NT5C3A: variants seen among roughly 807,000 people sequenced by gnomAD.
NT5C3A encodes the protein 5'-nucleotidase, cytosolic IIIA, also known as cytosolic 5'-nucleotidase 3A.
Under a neutral mutation model 40.0 loss-of-function variants are expected in NT5C3A, and 23 were observed. The ratio of observed to expected loss-of-function variants is 0.58; its 90% confidence interval spans 0.41 to 0.81. The LOEUF is 0.81. Ranked by LOEUF, NT5C3A falls within the 40% of genes least tolerant of loss-of-function variation. The pLI, the probability that NT5C3A is intolerant of heterozygous loss-of-function variation, is 0.00. For synonymous variants in NT5C3A, 130 were observed against 141.4 expected (o/e 0.92, Z 0.57); for missense variants, 328 against 403.0 (o/e 0.81, Z 1.59).
chr7:33,021,926 C>T, intron 4 of NT5C3A, 127 bp downstream of exon 4: 2 of 689,772 alleles, frequency 2.9e-6, no homozygotes, highest in East Asian at 2.7e-5. Flanking sequence ...TGAGTGCTTA[C>T]TATGTGCCAG....
At chr7:33,042,135 G>A (rs375578944) in intron 1 of NT5C3A, among the ~76,000 whole-genome samples, 23 of 151,994 alleles carry the variant, frequency 1.5e-4, no homozygotes, top group African/African-American at 5.6e-4. Context: ...TCAGGAGTTC[G>A]AGACCAACCT....
intron 1 of NT5C3A, among the ~76,000 whole-genome samples, chr7:33,042,468 G>C (rs746178760): frequency 6.6e-5 from 10 of 152,102 alleles, no homozygotes; most frequent in Non-Finnish European, 1.3e-4. Flanking sequence ...ACTCCTCTAA[G>C]AGGACAGCCT....
chr7:33,061,728 T>C (rs1460649015), intron 1 of NT5C3A, among the ~76,000 whole-genome samples: 1 of 152,156 alleles, frequency 6.6e-6, no homozygotes. Flanking sequence ...TTCACATGTA[T>C]AGCACACGGT....
At chr7:33,054,136 G>C (rs1388054359) in intron 1 of NT5C3A, among the ~76,000 whole-genome samples, 1 of 151,904 alleles carries the variant, frequency 6.6e-6, no homozygotes, top group African/African-American at 2.4e-5. Flanking sequence ...TAGGAGGATC[G>C]CTTAAGCCAG....
At chr7:33,015,274 C>G (rs1213251260) in intron 8 of NT5C3A, among the ~76,000 whole-genome samples, 1 of 152,144 alleles carries the variant, frequency 6.6e-6, no homozygotes, top group Non-Finnish European at 1.5e-5. Flanking sequence ...TGCATGATCA[C>G]AATATGTTTT....
chr7:33,024,016 T>G (rs1370037913), intron 3 of NT5C3A, 23 bp downstream of exon 3: 1 of 1,335,678 alleles, frequency 7.5e-7, no homozygotes, highest in Non-Finnish European at 1.1e-6. Flanking sequence ...TTTTGTGAAT[T>G]TGTTTACAAA....
chr7:33,034,201 A>C (rs1468511444), intron 1 of NT5C3A, among the ~76,000 whole-genome samples: 1 of 152,036 alleles, frequency 6.6e-6, no homozygotes, highest in Non-Finnish European at 1.5e-5. Context: ...AGACCTATCA[A>C]TATTTTTAGG....
At chr7:33,037,362 A>T (rs1392224649) in intron 1 of NT5C3A, among the ~76,000 whole-genome samples, 1 of 137,786 alleles carries the variant, frequency 7.3e-6, no homozygotes, top group African/African-American at 2.6e-5. Context: ...TTACTAAGCT[A>T]TGTTTGTTCC....
chr7:33,035,552 T>C (rs183879824), intron 1 of NT5C3A, among the ~76,000 whole-genome samples: 14 of 152,290 alleles, frequency 9.2e-5, no homozygotes, highest in Admixed American at 9.2e-4. Flanking sequence ...CTAGTATATA[T>C]AATGCAACTC....
At chr7:33,027,164 G>A (rs1242017657) in intron 1 of NT5C3A, 1 of 400,496 alleles carries the variant, frequency 2.5e-6, no homozygotes, top group East Asian at 5.7e-5. Context: ...CAAACTCCTG[G>A]GCTCAAATGA....
chr7:33,050,071 C>T (rs1368209532), intron 1 of NT5C3A, among the ~76,000 whole-genome samples: 1 of 151,216 alleles, frequency 6.6e-6, no homozygotes, highest in Non-Finnish European at 1.5e-5. Context: ...CTTCAGAGTA[C>T]AAGAATCAAA....
Position 33,015,741 on chromosome 7 carries a change from C to T in NT5C3A, c.823G>A (p.Gly275Arg). The change falls in exon 8 of 9, where the codon GGA (glycine) becomes AGA (arginine). Residue 275 changes from glycine (G) to arginine (R), a missense_variant. Gly to Arg is a moderately radical substitution (Grantham distance 125, BLOSUM62 -2). Transcript: ENST00000610140. ...SNIILLGDSQ[G>R]DLRMADGVAN... ...ACTCCATCTGCCATTCTTAAGTCTC[C>T]TTGGGAGTCTCCCAGAAGAATTATG... 2 of 1,612,018 alleles carry T rather than the reference C, an allele frequency of 1.2e-6. No homozygotes were observed. Among genetic ancestry groups the T allele is most frequent in the Middle Eastern group, 1.7e-4 (1 of 6,032 alleles).
chr7:33,047,996 ATGTG>A (rs10582277), intron 1 of NT5C3A, among the ~76,000 whole-genome samples: 44,864 of 150,412 alleles, frequency 0.3, 6,951 homozygotes, highest in Admixed American at 0.41. Flanking sequence ...TTATATGTGT[ATGTG>A]TGTGTGTGTG....
chr7:33,017,774 A>G (rs1223401450), intron 6 of NT5C3A, among the ~76,000 whole-genome samples, 173 bp from the exon 7 acceptor site: 4 of 152,270 alleles, frequency 2.6e-5, no homozygotes, highest in African/African-American at 9.6e-5. Context: ...AAGTTTTTCA[A>G]ACAACAGTTA....
intron 1 of NT5C3A, chr7:33,036,348 C>T (rs1178556198): frequency 3.0e-5 from 9 of 295,958 alleles, no homozygotes; most frequent in South Asian, 1.1e-4. Context: ...GCCCAGCTTC[C>T]GTGGGTGGCT....
At chr7:33,029,754 A>G in intron 1 of NT5C3A, 3 of 1,208,170 alleles carry the variant, frequency 2.5e-6, no homozygotes, top group Non-Finnish European at 3.3e-6. Context: ...TTTTATAGAG[A>G]TAAGGTCTTG....
chr7:33,057,076 G>C (rs1787600390), intron 1 of NT5C3A, among the ~76,000 whole-genome samples: 1 of 152,056 alleles, frequency 6.6e-6, no homozygotes, highest in South Asian at 2.1e-4. Context: ...GCCTCCCAAA[G>C]TGCTGGGATT....
intron 1 of NT5C3A, among the ~76,000 whole-genome samples, chr7:33,050,642 G>A (rs187004602): frequency 6.6e-5 from 10 of 152,300 alleles, no homozygotes; most frequent in Non-Finnish European, 1.5e-4. Flanking sequence ...CTAATTACAA[G>A]AAGGAACTTG....
At chr7:33,033,236 T>C (rs1353266115) in intron 1 of NT5C3A, among the ~76,000 whole-genome samples, 2 of 152,218 alleles carry the variant, frequency 1.3e-5, no homozygotes, top group East Asian at 1.9e-4. Flanking sequence ...TACAAAGAAG[T>C]AGGCACTAGA....
Sources: allele counts gnomAD v4.1 joint callset (sites outside exome capture counted in the v4.1 genomes callset), GRCh38; gene constraint gnomAD v4.1.1; transcripts MANE v1.5; gene names NCBI Gene and HGNC (gene_info 2026-07-23, HGNC 2026-07-21).